Variants in CSMD2 observed in about 807,000 individuals in gnomAD.
CSMD2 encodes CUB and Sushi multiple domains 2.
Under a neutral mutation model 398.5 loss-of-function variants are expected in CSMD2, and 130 were observed. The observed-to-expected ratio is 0.33, with a 90% confidence interval of 0.28 to 0.38. The LOEUF is 0.38. Among genes scored for constraint, CSMD2 ranks in the 10% least tolerant of loss-of-function variants. The pLI is 1.00. For synonymous variants in CSMD2, 1,828 were observed against 1,908.5 expected, an observed-to-expected ratio of 0.96 and a Z score of 1.10; for missense variants, 3,829 against 4,764.9, an observed-to-expected ratio of 0.80 and a Z score of 5.78.
intron 51 of CSMD2, among the ~76,000 whole-genome samples, chr1:33,570,261 A>G (rs936560126): frequency 6.8e-6 from 1 of 146,388 alleles, no homozygotes; most frequent in Non-Finnish European, 1.5e-5. Flanking sequence ...TCTGCCTCCT[A>G]GGTTCAAACA....
chr1:33,616,810 C>A (rs934094284), intron 39 of CSMD2, 96 bp downstream of exon 39: 3 of 925,408 alleles, frequency 3.2e-6, no homozygotes, highest in Admixed American at 2.0e-5. Context: ...ATCAAACTTT[C>A]TTCTGATTTG....
chr1:34,119,420 G>A lies in CSMD2; in HGVS notation c.188-30227C>T, dbSNP rs528415725. On this transcript the variant is annotated intron_variant, in intron 1 of 70. Transcript: ENST00000373381. ...GCAACAAAAGCAAAAATAGACAAAC[G>A]AAACTACATCAAACTTAAGAACTTC... is the stretch of plus-strand genomic sequence containing the variant. Among the ~76,000 whole-genome samples the A allele has an allele frequency of 7.9e-5, 12 of 152,240 alleles. No homozygotes were observed. In the South Asian group the frequency reaches 1.2e-3, roughly 16 times the overall value.
intron 32 of CSMD2, among the ~76,000 whole-genome samples, chr1:33,628,811 TAAC>T (rs1252567269): frequency 6.6e-6 from 1 of 151,894 alleles, no homozygotes; most frequent in Non-Finnish European, 1.5e-5. Flanking sequence ...GCTTTTTAAT[TAAC>T]AACAACAAAA....
intron 10 of CSMD2, among the ~76,000 whole-genome samples, chr1:33,796,269 A>G (rs1355611000): frequency 1.3e-5 from 2 of 152,226 alleles, no homozygotes; most frequent in Non-Finnish European, 2.9e-5. Flanking sequence ...CACTTTACAC[A>G]TATCAACTCA....
At chr1:33,531,414 G>A (rs1655220503) in intron 64 of CSMD2, among the ~76,000 whole-genome samples, 1 of 152,120 alleles carries the variant, frequency 6.6e-6, no homozygotes, top group Admixed American at 6.5e-5. Flanking sequence ...CAAGAGTTTT[G>A]GAAAACTTTG....
intron 1 of CSMD2, among the ~76,000 whole-genome samples, chr1:34,110,301 C>G (rs1660945722): frequency 6.6e-6 from 1 of 151,996 alleles, no homozygotes. Context: ...CCTCAAAAAC[C>G]TAGAAACAGA....
At chr1:33,788,976 CA>C (rs535434099) in intron 11 of CSMD2, among the ~76,000 whole-genome samples, 130 of 152,282 alleles carry the variant, frequency 8.5e-4, no homozygotes, top group African/African-American at 3.1e-3. Context: ...CTTGGGCTCA[CA>C]AGGGAGATCT....
chr1:33,862,341 CTCTGTGTGTG>C (rs1639584043), intron 5 of CSMD2: 2 of 60,724 alleles, frequency 3.3e-5, no homozygotes, highest in African/African-American at 9.2e-5. Context: ...AGATAAGCTA[CTCTGTGTGTG>C]TGTGTGTGTG....
chr1:33,693,089 G>A (rs756516042), intron 24 of CSMD2, 33 bp from the exon 25 acceptor site: 1 of 1,568,150 alleles, frequency 6.4e-7, no homozygotes, highest in South Asian at 1.2e-5. Flanking sequence ...GAGCTTCATG[G>A]GGTGGCCTGA....
intron 4 of CSMD2, among the ~76,000 whole-genome samples, chr1:33,922,016 C>T (rs1228661800): frequency 1.8e-4 from 27 of 152,018 alleles, no homozygotes; most frequent in Admixed American, 1.8e-3. Context: ...GGTGAAGTCT[C>T]CAACAGAAAA....
At chr1:33,922,788 C>T (rs1410658383) in intron 4 of CSMD2, among the ~76,000 whole-genome samples, 1 of 152,168 alleles carries the variant, frequency 6.6e-6, no homozygotes, top group Non-Finnish European at 1.5e-5. Flanking sequence ...AATCCTGTCC[C>T]CCGCCATCAC....
chr1:33,540,601 C>T lies in CSMD2; in HGVS notation c.9555G>A (p.Gly3185=), dbSNP rs1312482621. The T allele has an allele frequency of 6.2e-7, 1 of 1,614,202 alleles. No individual in the cohort carries two copies. The highest frequency in any genetic ancestry group is 8.5e-7 in the Non-Finnish European group (1 of 1,180,036). Residue 3185 remains glycine, a synonymous_variant, in exon 60 of 71, where the codon GGG becomes GGA. Transcript: ENST00000373381. The part of the protein sequence containing the change: ...GSSVTYACLE[G]YQLSLPAVFT... ...ACACCGCGGGCAGGGAGAGCTGGTA[C>T]CCCTCCAGGCAGGCATAAGTCACAC...
chr1:34,114,942 C>T (rs569967590), intron 1 of CSMD2, among the ~76,000 whole-genome samples: 1 of 151,968 alleles, frequency 6.6e-6, no homozygotes, highest in African/African-American at 2.4e-5. Flanking sequence ...GAGCTGAAGA[C>T]TATAATAACT....
chr1:34,056,062 T>C (rs979013737), intron 2 of CSMD2, among the ~76,000 whole-genome samples: 1 of 152,182 alleles, frequency 6.6e-6, no homozygotes, highest in Non-Finnish European at 1.5e-5. Context: ...ACACCAGCCA[T>C]ATAGAATGGC....
intron 55 of CSMD2, among the ~76,000 whole-genome samples, chr1:33,555,436 A>G (rs957444636): frequency 1.3e-5 from 2 of 152,256 alleles, no homozygotes; most frequent in Non-Finnish European, 2.9e-5. Flanking sequence ...AGAACTTCAC[A>G]TGAAGTTAGT....
intron 15 of CSMD2, among the ~76,000 whole-genome samples, chr1:33,732,805 A>G (rs965359646): frequency 4.6e-5 from 7 of 152,214 alleles, no homozygotes; most frequent in African/African-American, 1.4e-4. Context: ...AGAATAGAAT[A>G]CAGAGAACAA....
At chr1:33,571,789 G>T in intron 50 of CSMD2, 63 bp from the exon 51 acceptor site, 1 of 1,268,252 alleles carries the variant, frequency 7.9e-7, no homozygotes, top group Non-Finnish European at 1.0e-6. Flanking sequence ...GACCTTGTAA[G>T]AGCCCAGATC....
intron 5 of CSMD2, chr1:33,864,097 C>A: frequency 3.2e-6 from 4 of 1,247,406 alleles, no homozygotes; most frequent in Non-Finnish European, 4.5e-6. Context: ...AAATTCGCTG[C>A]AAGTACAGCA....
chr1:33,912,505 T>C (rs992439765), intron 5 of CSMD2, among the ~76,000 whole-genome samples: 3 of 151,682 alleles, frequency 2.0e-5, no homozygotes, highest in Admixed American at 2.0e-4. Context: ...CTGTCTGCCT[T>C]CCCTGTTGTA....
Sources: gnomAD v4.1 joint callset for allele counts (sites outside exome capture counted in the v4.1 genomes callset) on GRCh38, gnomAD v4.1.1 for gene constraint, MANE v1.5 for transcripts, NCBI Gene and HGNC (gene_info 2026-07-23, HGNC 2026-07-21) for gene names.